The following HS6ST3 variants were observed in gnomAD, a reference collection of about 807,000 sequenced individuals.
The protein encoded by HS6ST3 is heparan sulfate 6-O-sulfotransferase 3, also known as heparan-sulfate 6-O-sulfotransferase 3.
Under a neutral mutation model 36.7 loss-of-function variants are expected in HS6ST3, and 12 were observed. That is an observed-to-expected ratio of 0.33 (90% CI 0.21 to 0.53). The LOEUF is 0.53. Among genes scored for constraint, HS6ST3 ranks in the 20% least tolerant of loss-of-function variants. The probability of loss-of-function intolerance (pLI) is 0.95; values close to 1 mark genes in which losing one functional copy is unlikely to be tolerated. For synonymous variants in HS6ST3, 240 were observed against 257.5 expected (o/e 0.93, Z 0.65); for missense variants, 584 against 640.9 (o/e 0.91, Z 0.96).
intron 1 of HS6ST3, among the ~76,000 whole-genome samples, chr13:96,233,799 C>A (rs750461341): frequency 1.3e-5 from 2 of 151,842 alleles, no homozygotes; most frequent in South Asian, 2.1e-4. Context: ...GAGATGTGGT[C>A]GGAGCAAGTC....
Position 96,676,647 on chromosome 13 carries a change from A to G in HS6ST3, c.708-155843A>G, listed in dbSNP as rs190523524. Among the ~76,000 whole-genome samples the G allele has an allele frequency of 1.2e-3, 180 of 152,256 alleles. 2 individuals are homozygous for G. The highest frequency in any genetic ancestry group is 0.01 in the Middle Eastern group (3 of 294). ...AGATTTTCTTTTTCTTGAAGTCCTT[A>G]TTCCTGGGTTGTAGTAGTCTACCTC... On this transcript the variant is annotated intron_variant, in intron 1 of 1. Transcript: ENST00000376705.
chr13:96,219,208 A>G lies in HS6ST3; in HGVS notation c.707+127639A>G, dbSNP rs77310449. ...CTTCTTTTCAAAAAAATTTTAAATTAATAAGAATTGTATATAATTATGGTG... is the reference window on the plus strand; with the variant it reads ...CTTCTTTTCAAAAAAATTTTAAATTGATAAGAATTGTATATAATTATGGTG... On this transcript the variant is annotated intron_variant, in intron 1 of 1. Transcript: ENST00000376705. Among the ~76,000 whole-genome samples the G allele has an allele frequency of 5.3e-5, 8 of 152,322 alleles. No homozygotes were observed. In the South Asian group the frequency reaches 1.7e-3, roughly 32 times the overall value.
At chr13:96,737,785 T>G (rs1876325242) in intron 1 of HS6ST3, among the ~76,000 whole-genome samples, 1 of 152,178 alleles carries the variant, frequency 6.6e-6, no homozygotes, top group Non-Finnish European at 1.5e-5. Flanking sequence ...CTATCATCTC[T>G]AGGTGAGAAT....
chr13:96,322,468 G>T (rs944439376), intron 1 of HS6ST3, among the ~76,000 whole-genome samples: 16 of 151,898 alleles, frequency 1.1e-4, no homozygotes, highest in Non-Finnish European at 2.4e-4. Context: ...GAGGTGGGAG[G>T]ATGGCTTGAG....
chr13:96,693,923 C>T (rs1875048698), intron 1 of HS6ST3, among the ~76,000 whole-genome samples: 2 of 152,270 alleles, frequency 1.3e-5, no homozygotes, highest in South Asian at 4.1e-4. Flanking sequence ...AACTTACAGA[C>T]CTAAAACTTC....
At chr13:96,752,276 A>C (rs1489283693) in intron 1 of HS6ST3, among the ~76,000 whole-genome samples, 2 of 152,066 alleles carry the variant, frequency 1.3e-5, no homozygotes, top group Non-Finnish European at 2.9e-5. Flanking sequence ...AGATATTTGT[A>C]GCATTGCTAG....
chr13:96,482,773 G>A (rs1373843583), intron 1 of HS6ST3, among the ~76,000 whole-genome samples: 1 of 152,226 alleles, frequency 6.6e-6, no homozygotes, highest in East Asian at 1.9e-4. Flanking sequence ...ATCTGCATGA[G>A]TATGTTTCAC....
At position 96,492,242 on chromosome 13, in the gene HS6ST3, C is replaced by G. The variant is rs140522698; in HGVS notation, c.708-340248C>G. Among the ~76,000 whole-genome samples, 17 of 152,254 alleles carry G rather than the reference C, an allele frequency of 1.1e-4. No individual in the cohort carries two copies. The East Asian group carries it at 3.1e-3, about 28-fold the overall frequency. On this transcript the variant is annotated intron_variant, in intron 1 of 1. Coordinates refer to ENST00000376705, the MANE Select transcript of HS6ST3 (RefSeq NM_153456.4). ...TCTCTGCTTTTGCTGCTAAATTCAC[C>G]CATTCTGCAGACAGTGACACTCTTT... is the stretch of plus-strand genomic sequence containing the variant.
chr13:96,132,940 A>G (rs1232564270), intron 1 of HS6ST3, among the ~76,000 whole-genome samples: 2 of 152,018 alleles, frequency 1.3e-5, no homozygotes, highest in Non-Finnish European at 2.9e-5. Context: ...GCCTCTTCAG[A>G]CATGTTTATT....
intron 1 of HS6ST3, among the ~76,000 whole-genome samples, chr13:96,260,860 G>A (rs563252816): frequency 2.2e-4 from 34 of 151,732 alleles, no homozygotes; most frequent in African/African-American, 7.3e-4. Context: ...GGCTGGTCGC[G>A]AACTTCTGGC....
chr13:96,738,699 C>T (rs899016779), intron 1 of HS6ST3, among the ~76,000 whole-genome samples: 2 of 152,104 alleles, frequency 1.3e-5, no homozygotes, highest in African/African-American at 4.8e-5. Context: ...TAGTGTGTAG[C>T]AATGTATCAT....
At chr13:96,391,797 T>A (rs1475481877) in intron 1 of HS6ST3, among the ~76,000 whole-genome samples, 1 of 152,202 alleles carries the variant, frequency 6.6e-6, no homozygotes, top group Admixed American at 6.5e-5. Flanking sequence ...CACCCACGAT[T>A]CAATCACCTC....
intron 1 of HS6ST3, among the ~76,000 whole-genome samples, chr13:96,259,066 T>G (rs2054651655): frequency 6.6e-6 from 1 of 151,874 alleles, no homozygotes; most frequent in Non-Finnish European, 1.5e-5. Flanking sequence ...ATGCAGGAAA[T>G]TAGGGGAAGG....
intron 1 of HS6ST3, among the ~76,000 whole-genome samples, chr13:96,755,567 G>A (rs939357641): frequency 1.3e-5 from 2 of 152,024 alleles, no homozygotes; most frequent in African/African-American, 2.4e-5. Context: ...GTTTCACCAC[G>A]TTGGCCAGGC....
chr13:96,607,502 A>G (rs1012218554), intron 1 of HS6ST3, among the ~76,000 whole-genome samples: 1 of 152,192 alleles, frequency 6.6e-6, no homozygotes, highest in Non-Finnish European at 1.5e-5. Context: ...GAACTGGTGG[A>G]GAACATTAAA....
intron 1 of HS6ST3, among the ~76,000 whole-genome samples, chr13:96,688,966 G>A (rs1874861222): frequency 6.6e-6 from 1 of 152,018 alleles, no homozygotes; most frequent in South Asian, 2.1e-4. Flanking sequence ...ATCCAAAGAG[G>A]CACCATCTTT....
intron 1 of HS6ST3, among the ~76,000 whole-genome samples, chr13:96,444,485 A>G (rs555415281): frequency 3.9e-5 from 6 of 152,322 alleles, no homozygotes; most frequent in African/African-American, 1.4e-4. Flanking sequence ...TCTTGTTTCT[A>G]TAAGTTGAAT....
chr13:96,475,829 G>A (rs2138894103), intron 1 of HS6ST3, among the ~76,000 whole-genome samples: 1 of 152,240 alleles, frequency 6.6e-6, no homozygotes, highest in African/African-American at 2.4e-5. Context: ...CCATATGCGA[G>A]AATGAGGAAT....
chr13:96,651,601 C>G (rs201826761), intron 1 of HS6ST3, among the ~76,000 whole-genome samples: 2 of 152,058 alleles, frequency 1.3e-5, no homozygotes, highest in African/African-American at 4.8e-5. Context: ...CCTTCTCCAG[C>G]TGTTAAAATT....
Sources: gnomAD v4.1 joint callset for allele counts (sites outside exome capture counted in the v4.1 genomes callset) on GRCh38, gnomAD v4.1.1 for gene constraint, MANE v1.5 for transcripts, NCBI Gene and HGNC (gene_info 2026-07-23, HGNC 2026-07-21) for gene names.